The following ATAD3B variants were observed in gnomAD, a reference collection of about 807,000 sequenced individuals.
The protein encoded by ATAD3B is ATPase family AAA domain-containing protein 3B.
In ATAD3B, 59 loss-of-function variants were observed where a neutral mutation model predicts 70.2. The observed-to-expected ratio is 0.84, with a 90% CI of 0.68 to 1.04. The LOEUF (loss-of-function observed/expected upper bound fraction) is 1.04, where lower values mean the gene tolerates loss of function less well. ATAD3B is among the 50% of genes least tolerant of loss of function. The pLI, the probability that ATAD3B is intolerant of heterozygous loss-of-function variation, is 0.00. For synonymous variants in ATAD3B, 423 were observed against 388.6 expected, an observed-to-expected ratio of 1.09 and a Z score of -1.04; for missense variants, 961 against 913.4, an observed-to-expected ratio of 1.05 and a Z score of -0.67.
chr1:1,483,121 C>T, intron 7 of ATAD3B: 2 of 421,706 alleles, frequency 4.7e-6, no homozygotes, highest in South Asian at 3.3e-5. Flanking sequence ...GAAACCCTGT[C>T]TCTACTAAAA....
chr1:1,502,421 A>G (rs1425022034), downstream of ATAD3B, among the ~76,000 whole-genome samples: 1 of 144,264 alleles, frequency 6.9e-6, no homozygotes, highest in Admixed American at 7.1e-5. Flanking sequence ...TCACCATGTT[A>G]GCCAGGATGA....
At chr1:1,490,467 T>C (rs368181023) in intron 14 of ATAD3B, 43 bp downstream of exon 14, 24 of 1,611,818 alleles carry the variant, frequency 1.5e-5, no homozygotes, top group Non-Finnish European at 2.0e-5. Context: ...AGGCACCATA[T>C]GGCATGGGTG....
At chr1:1,501,801 C>T (rs1007579629), downstream of ATAD3B, among the ~76,000 whole-genome samples, 7 of 152,260 alleles carry the variant, frequency 4.6e-5, no homozygotes, top group Admixed American at 6.5e-5. Context: ...TACGGCAGTC[C>T]GTGGGTTACT....
At chr1:1,507,476 T>C in the ATAD3B span, among the ~76,000 whole-genome samples, 3 of 152,250 alleles carry the variant, frequency 2.0e-5, no homozygotes, top group Non-Finnish European at 2.9e-5. Context: ...GCTTTTTGTA[T>C]GTTGAACATT....
Position 1,475,733 on chromosome 1 carries a change from G to A in ATAD3B, c.206-1541G>A, listed in dbSNP as rs538023878. Among the ~76,000 whole-genome samples, 72 of 151,946 alleles carry A rather than the reference G, an allele frequency of 4.7e-4. 1 individual carries two copies. Among genetic ancestry groups the A allele is most frequent in the Non-Finnish European group, 8.2e-4 (56 of 67,924 alleles). On this transcript the variant is annotated intron_variant, in intron 1 of 15. Transcript: ENST00000673477. ...TGGGTGTGAATTCACGCGCTGGGAC[G>A]CACGTCCCTGGCACAGGGTCACACC...
At chr1:1,499,073 G>A (rs1174842008), downstream of ATAD3B, among the ~76,000 whole-genome samples, 4 of 151,042 alleles carry the variant, frequency 2.6e-5, no homozygotes, top group South Asian at 2.1e-4. Context: ...CCGGGTTCAC[G>A]CCATTCTCCT....
downstream of ATAD3B, among the ~76,000 whole-genome samples, chr1:1,499,387 C>T (rs1640892917): frequency 6.7e-6 from 1 of 149,574 alleles, no homozygotes; most frequent in Non-Finnish European, 1.5e-5. Context: ...CAGGCACGTG[C>T]CACCACGCCC....
At position 1,497,471 on chromosome 1, in the gene ATAD3B, TC is replaced by T. The variant is rs1414171051; in HGVS notation, c.*1656del. On this transcript the variant is annotated 3_prime_UTR_variant, in exon 16 of 16. Coordinates refer to ENST00000673477, the MANE Select transcript of ATAD3B (RefSeq NM_031921.6). ...GTCTCCAACTCTTGGCCTCAGGAGATCCTCCCGCCTCTACAGGATGAGCCAC... is the reference window on the plus strand; with the variant it reads ...GTCTCCAACTCTTGGCCTCAGGAGATCTCCCGCCTCTACAGGATGAGCCAC... 6.7e-6 allele frequency: 1 copy of T among 149,018 alleles called. No homozygotes were observed. Among genetic ancestry groups the T allele is most frequent in the African/African-American group, 2.5e-5 (1 of 39,968 alleles). 9.2% of individuals were successfully genotyped at this position (149,018 alleles called of 1,614,324 possible). A position where few individuals can be genotyped will look rare whatever the true frequency, so the allele number is the denominator to read the frequency against.
intron 1 of ATAD3B, among the ~76,000 whole-genome samples, chr1:1,475,638 CTG>C (rs1287165515): frequency 2.6e-5 from 4 of 151,696 alleles, no homozygotes; most frequent in Non-Finnish European, 4.4e-5. Context: ...TATCCCAGAA[CTG>C]TCTGTGAGCA....
chr1:1,504,964 G>A, the ATAD3B span, among the ~76,000 whole-genome samples: 2 of 152,138 alleles, frequency 1.3e-5, no homozygotes, highest in African/African-American at 2.4e-5. Context: ...GCCAGGCACA[G>A]TTGTAGGATC....
At chr1:1,487,284 T>C (rs942268130) in intron 11 of ATAD3B, among the ~76,000 whole-genome samples, 1 of 151,696 alleles carries the variant, frequency 6.6e-6, no homozygotes, top group Non-Finnish European at 1.5e-5. Context: ...GCCAGGAGAT[T>C]GAGACCATCC....
At chr1:1,495,393 G>A (rs917894221) in intron 15 of ATAD3B, 92 bp from the exon 16 acceptor site, 3 of 1,487,404 alleles carry the variant, frequency 2.0e-6, no homozygotes, top group Non-Finnish European at 2.7e-6. Context: ...TGGTGCCCCT[G>A]GTTTGGCCCC....
At chr1:1,490,203 C>CCCCGAG in intron 13 of ATAD3B, 54 bp from the exon 14 acceptor site, 2 of 1,590,142 alleles carry the variant, frequency 1.3e-6, no homozygotes, top group Non-Finnish European at 1.7e-6. Context: ...CCGTTGCCCT[C>CCCCGAG]GGGGCATCTC....
At chr1:1,507,368 T>A in the ATAD3B span, among the ~76,000 whole-genome samples, 151 of 152,278 alleles carry the variant, frequency 9.9e-4, 1 homozygote, top group Non-Finnish European at 1.7e-3. Flanking sequence ...TTGTTGAGTG[T>A]TTTTCTCATA....
At chr1:1,484,885 C>G (rs892244224) in intron 7 of ATAD3B, 131 bp from the exon 8 acceptor site, 1 of 1,433,864 alleles carries the variant, frequency 7.0e-7, no homozygotes, top group Non-Finnish European at 9.2e-7. Context: ...ATTCGGGTTC[C>G]TGTGGGGCCA....
chr1:1,498,560 A>G (rs1447568828), downstream of ATAD3B, among the ~76,000 whole-genome samples: 5 of 151,844 alleles, frequency 3.3e-5, no homozygotes, highest in East Asian at 9.7e-4. Flanking sequence ...TGGGGAACTC[A>G]TTGGGTTTTT....
intron 1 of ATAD3B, among the ~76,000 whole-genome samples, chr1:1,476,970 C>T (rs989002054): frequency 2.6e-5 from 4 of 151,796 alleles, no homozygotes; most frequent in African/African-American, 9.7e-5. Flanking sequence ...CCACACCCAG[C>T]TTTTTTTTGT....
the ATAD3B span, among the ~76,000 whole-genome samples, chr1:1,506,935 C>T: frequency 6.6e-6 from 1 of 152,006 alleles, no homozygotes; most frequent in African/African-American, 2.4e-5. Context: ...ATACAGGCGC[C>T]TGCCACCATG....
At chr1:1,509,346 T>A in the ATAD3B span, 4 of 1,610,958 alleles carry the variant, frequency 2.5e-6, no homozygotes, top group South Asian at 3.3e-5. Context: ...GCAACCCTCA[T>A]CCTGAGTCCA....
Sources: gnomAD v4.1 joint callset for allele counts (sites outside exome capture counted in the v4.1 genomes callset) on GRCh38, gnomAD v4.1.1 for gene constraint, MANE v1.5 for transcripts, NCBI Gene and HGNC (gene_info 2026-07-23, HGNC 2026-07-21) for gene names.